PEX14: variants seen among roughly 807,000 people sequenced by gnomAD.
PEX14 encodes the protein peroxisomal biogenesis factor 14.
PEX14 carries 15 observed loss-of-function variants against 49.5 expected under a neutral mutation model. That is an observed-to-expected ratio of 0.30 (90% CI 0.20 to 0.47). PEX14 has a LOEUF of 0.47. Ranked by LOEUF, PEX14 falls within the 20% of genes least tolerant of loss-of-function variation. PEX14 has a pLI of 1.00. For missense variants in PEX14, 398 were observed against 494.8 expected (o/e 0.80, Z 1.86); for synonymous variants, 210 against 212.7 (o/e 0.99, Z 0.11).
At chr1:10,556,655 T>C (rs1639499607) in intron 3 of PEX14, among the ~76,000 whole-genome samples, 2 of 152,182 alleles carry the variant, frequency 1.3e-5, no homozygotes, top group South Asian at 4.1e-4. Context: ...TTCTACGGCT[T>C]CATTGTTACC....
At chr1:10,518,539 G>C (rs1396973730) in intron 2 of PEX14, among the ~76,000 whole-genome samples, 4 of 152,096 alleles carry the variant, frequency 2.6e-5, no homozygotes, top group African/African-American at 9.7e-5. Flanking sequence ...GTATATATTG[G>C]GAAATCCACG....
At chr1:10,558,937 C>A (rs11121589) in intron 3 of PEX14, among the ~76,000 whole-genome samples, 109,952 of 151,302 alleles carry the variant, frequency 0.73, 41,045 homozygotes, top group Non-Finnish European at 0.82. Context: ...TTAATTTATT[C>A]TTCTTGCTTT....
At chr1:10,501,416 C>A (rs1394043151) in intron 2 of PEX14, among the ~76,000 whole-genome samples, 1 of 152,190 alleles carries the variant, frequency 6.6e-6, no homozygotes, top group Non-Finnish European at 1.5e-5. Context: ...TGCCATTCTC[C>A]TGCCTCAGCC....
At chr1:10,607,814 G>C (rs184159325) in intron 4 of PEX14, among the ~76,000 whole-genome samples, 1 of 152,182 alleles carries the variant, frequency 6.6e-6, no homozygotes, top group Non-Finnish European at 1.5e-5. Flanking sequence ...TTTCCTCCCA[G>C]TTGGTGGCTT....
chr1:10,548,078 G>A (rs760334703), intron 3 of PEX14, among the ~76,000 whole-genome samples: 4 of 152,250 alleles, frequency 2.6e-5, no homozygotes, highest in African/African-American at 4.8e-5. Flanking sequence ...TTAGCCAGGC[G>A]TGGTGGCGCA....
At position 10,539,261 on chromosome 1, in the gene PEX14, C is replaced by T. The variant is rs1320571895; in HGVS notation, c.169+2964C>T. Among the ~76,000 whole-genome samples, 2 of 152,050 alleles carry T rather than the reference C, an allele frequency of 1.3e-5. No homozygotes were observed. The highest frequency in any genetic ancestry group is 4.8e-5 in the African/African-American group (2 of 41,472). On this transcript the variant is annotated intron_variant, in intron 3 of 8. Coordinates refer to ENST00000356607, the MANE Select transcript of PEX14 (RefSeq NM_004565.3). The surrounding 1 kb of genome is among the most constrained non-coding windows in gnomAD (Gnocchi z 4.6). ...GAGCATTGGTTTGCAAAGGTCTTTC[C>T]TGTTACTTTTTTTTTGTTTTTTGTT... is the stretch of plus-strand genomic sequence containing the variant.
At chr1:10,489,207 G>C (rs1426684796) in intron 1 of PEX14, among the ~76,000 whole-genome samples, 1 of 150,786 alleles carries the variant, frequency 6.6e-6, no homozygotes, top group Non-Finnish European at 1.5e-5. Flanking sequence ...TCTCGAACTC[G>C]TGACCTCAGG....
intron 2 of PEX14, among the ~76,000 whole-genome samples, chr1:10,531,896 A>G (rs940726839): frequency 6.6e-6 from 1 of 152,142 alleles, no homozygotes; most frequent in South Asian, 2.1e-4. Flanking sequence ...TAAAGTGTGT[A>G]TTCTGAAGAT....
At position 10,613,661 on chromosome 1, in the gene PEX14, CTGAG is replaced by C. The variant is rs909962014; in HGVS notation, c.299-4666_299-4663del. 6.6e-6 allele frequency among the ~76,000 whole-genome samples: 1 copy of C among 152,212 alleles called. No homozygotes were observed. On this transcript the variant is annotated intron_variant, in intron 4 of 8. Transcript: ENST00000356607. This position sits in a 1 kb window ranked among gnomAD's most constrained non-coding sequence, Gnocchi z 5.0. ...GCGCCGGTCCTTAGACAGCTGGGCT[CTGAG>C]TGAGAGTGAAGATATCGCCTGTTCT... is the stretch of plus-strand genomic sequence containing the variant.
intron 1 of PEX14, 62 bp downstream of exon 1, chr1:10,475,064 A>C (rs1179513561): frequency 6.6e-7 from 1 of 1,506,896 alleles, no homozygotes; most frequent in African/African-American, 1.4e-5. Flanking sequence ...GGCGCTCAGC[A>C]TACGGCTGGG....
intron 1 of PEX14, among the ~76,000 whole-genome samples, chr1:10,480,017 TAAATA>T (rs1429244270): frequency 6.6e-6 from 1 of 151,954 alleles, no homozygotes; most frequent in Non-Finnish European, 1.5e-5. Context: ...ACTTAAAAAA[TAAATA>T]AATAAAATAA....
chr1:10,520,468 C>T (rs1638251253), intron 2 of PEX14, among the ~76,000 whole-genome samples: 1 of 152,136 alleles, frequency 6.6e-6, no homozygotes, highest in Non-Finnish European at 1.5e-5. Context: ...CTGAAAACTA[C>T]TTTTCTACTT....
chr1:10,581,305 CT>C (rs71583884), intron 3 of PEX14, among the ~76,000 whole-genome samples: 191 of 126,964 alleles, frequency 1.5e-3, no homozygotes, highest in Admixed American at 3.4e-3. Flanking sequence ...CTTTGTTATC[CT>C]TTTTTTTTTT....
chr1:10,475,740 G>C (rs1331001667), intron 1 of PEX14, among the ~76,000 whole-genome samples: 1 of 152,180 alleles, frequency 6.6e-6, no homozygotes, highest in Admixed American at 6.5e-5. Flanking sequence ...TGGATGATAA[G>C]GTCTCCGAAG....
At chr1:10,508,016 G>A (rs561780216) in intron 2 of PEX14, among the ~76,000 whole-genome samples, 39 of 152,294 alleles carry the variant, frequency 2.6e-4, no homozygotes, top group African/African-American at 7.9e-4. Context: ...CCATGGGCAC[G>A]TGTCTTTAAT....
chr1:10,519,151 CT>C (rs997187773), intron 2 of PEX14, among the ~76,000 whole-genome samples: 7 of 152,138 alleles, frequency 4.6e-5, no homozygotes, highest in African/African-American at 1.2e-4. Context: ...GGGCCTCCCC[CT>C]AACACCCCCC....
At chr1:10,626,764 T>C (rs1178084537) in intron 7 of PEX14, among the ~76,000 whole-genome samples, 1 of 152,356 alleles carries the variant, frequency 6.6e-6, no homozygotes, top group East Asian at 1.9e-4. Context: ...CAGCTCGCAT[T>C]TGGGGACCTC....
chr1:10,497,389 C>T (rs900076607), intron 2 of PEX14, among the ~76,000 whole-genome samples: 1 of 152,194 alleles, frequency 6.6e-6, no homozygotes, highest in African/African-American at 2.4e-5. Context: ...AGCCCTTCCA[C>T]AGGGAGGGAG....
chr1:10,608,345 G>A lies in PEX14; in HGVS notation c.298+8979G>A, dbSNP rs540840014. Among the ~76,000 whole-genome samples, 7 of 152,082 alleles carry A rather than the reference G, an allele frequency of 4.6e-5. No homozygotes were observed. The South Asian group carries it at 6.2e-4, about 14-fold the overall frequency. On this transcript the variant is annotated intron_variant, in intron 4 of 8. Coordinates refer to ENST00000356607, the MANE Select transcript of PEX14 (RefSeq NM_004565.3). Reference sequence around the variant, plus strand: ...TTATGTTCAAAAGATTATCTTATCCGCATTGAGTTACATGTCTATAAAAAA... The same window carrying A: ...TTATGTTCAAAAGATTATCTTATCCACATTGAGTTACATGTCTATAAAAAA...
Sources: allele counts gnomAD v4.1 joint callset (sites outside exome capture counted in the v4.1 genomes callset), GRCh38; gene constraint gnomAD v4.1.1; non-coding constraint Gnocchi (gnomAD v3.1); transcripts MANE v1.5; gene names NCBI Gene and HGNC (gene_info 2026-07-23, HGNC 2026-07-21).